The following ATRX variants were observed in gnomAD, a reference collection of about 807,000 sequenced individuals.
ATRX encodes ATRX chromatin remodeler.
A neutral mutation model predicts 172.6 loss-of-function variants in ATRX; 12 were observed. The ratio of observed to expected loss-of-function variants is 0.07; its 90% CI spans 0.04 to 0.11. ATRX has a LOEUF of 0.11. Among genes scored for constraint, ATRX ranks in the 10% least tolerant of loss-of-function variants. The pLI is 1.00. For missense variants in ATRX, 1,368 were observed against 1,767.4 expected, an observed-to-expected ratio of 0.77 and a Z score of 4.05; for synonymous variants, 674 against 594.7, an observed-to-expected ratio of 1.13 and a Z score of -1.94.
intron 12 of ATRX, among the ~76,000 whole-genome samples, chrX:77,657,323 T>C (rs920869455): frequency 8.9e-6 from 1 of 111,737 alleles, no homozygotes; most frequent in East Asian, 2.8e-4. Flanking sequence ...ATCCTCAATT[T>C]TCTTTTTCTC....
At chrX:77,626,018 G>A (rs2067815263) in intron 19 of ATRX, among the ~76,000 whole-genome samples, 2 of 71,106 alleles carry the variant, frequency 2.8e-5, no homozygotes, top group Non-Finnish European at 5.0e-5. Context: ...AGTGGATAAA[G>A]AAATTGTGGC....
At chrX:77,720,479 A>G (rs1213011766) in intron 1 of ATRX, among the ~76,000 whole-genome samples, 1 of 111,725 alleles carries the variant, frequency 9.0e-6, no homozygotes, top group Non-Finnish European at 1.9e-5. Context: ...TGCAATAAAA[A>G]ATGATAAAGG....
At chrX:77,777,404 A>G (rs1274365102) in intron 1 of ATRX, among the ~76,000 whole-genome samples, 2 of 108,220 alleles carry the variant, frequency 1.8e-5, no homozygotes, top group African/African-American at 6.7e-5. Flanking sequence ...AAAACAAAAC[A>G]AAGATCAAAA....
At chrX:77,714,267 C>T (rs1275485166) in intron 2 of ATRX, among the ~76,000 whole-genome samples, 1 of 111,169 alleles carries the variant, frequency 9.0e-6, no homozygotes, top group Non-Finnish European at 1.9e-5. Context: ...TCTACAGTCT[C>T]CAGAAAGGAA....
intron 17 of ATRX, among the ~76,000 whole-genome samples, chrX:77,634,232 T>TAAAAAAAAA (rs144290953): frequency 1.8e-5 from 1 of 54,071 alleles, no homozygotes; most frequent in African/African-American, 7.5e-5. Flanking sequence ...TTAAAAGTTG[T>TAAAAAAAAA]AAAAAAAAAA....
At chrX:77,720,402 G>C (rs1035746022) in intron 1 of ATRX, among the ~76,000 whole-genome samples, 2 of 111,088 alleles carry the variant, frequency 1.8e-5, no homozygotes, top group Admixed American at 1.9e-4. Flanking sequence ...GTGTTTTTTT[G>C]AGAAGATCAA....
chrX:77,708,381 C>T (rs2148717349), intron 2 of ATRX, among the ~76,000 whole-genome samples: 1 of 112,419 alleles, frequency 8.9e-6, no homozygotes, highest in East Asian at 2.8e-4. Context: ...GGGAAATAGG[C>T]CAGGCGCAGT....
rs2062721502 is a variant in ATRX, at chrX:77,506,911, T to TC, written c.*1439_*1440insG. ...AACCCAGTTTTCTTTTTTTTTTTTTTTTTTTTTTTTTTGGAATTCTTAAGC... is the reference window on the plus strand; with the variant it reads ...AACCCAGTTTTCTTTTTTTTTTTTTTCTTTTTTTTTTTTGGAATTCTTAAGC... On this transcript the variant is annotated 3_prime_UTR_variant, in exon 35 of 35. Transcript: ENST00000373344. 1.9e-5 allele frequency: 3 copies of TC among 156,402 alleles called. No individual in the cohort carries two copies. In the Admixed American group the frequency reaches 2.8e-4, roughly 14 times the overall value. 12.9% of individuals were successfully genotyped at this position (156,402 alleles called of 1,213,427 possible). A position where few individuals can be genotyped will look rare whatever the true frequency, so the allele number is the denominator to read the frequency against.
intron 22 of ATRX, among the ~76,000 whole-genome samples, chrX:77,602,718 A>G (rs2066727138): frequency 9.0e-6 from 1 of 110,818 alleles, no homozygotes; most frequent in Admixed American, 9.7e-5. Flanking sequence ...AAATTTTTAA[A>G]CTTTCCTTCA....
At chrX:77,673,523 A>G (rs1249777042) in intron 10 of ATRX, among the ~76,000 whole-genome samples, 1 of 111,416 alleles carries the variant, frequency 9.0e-6, no homozygotes, top group Non-Finnish European at 1.9e-5. Flanking sequence ...TGATCAATCT[A>G]TAATATTCTG....
intron 1 of ATRX, among the ~76,000 whole-genome samples, chrX:77,725,952 T>A (rs182692642): frequency 1.5e-4 from 17 of 111,895 alleles, no homozygotes; most frequent in Admixed American, 7.6e-4. Context: ...AGAATGGCGA[T>A]CATTAAAAAG....
At chrX:77,688,986 T>TAGTC in intron 6 of ATRX, 59 bp from the exon 7 acceptor site, 1 of 941,441 alleles carries the variant, frequency 1.1e-6, no homozygotes, top group South Asian at 1.9e-5. Context: ...ATACTTACTT[T>TAGTC]AGTCAGCATT....
chrX:77,605,462 A>G (rs1226493976), intron 22 of ATRX, among the ~76,000 whole-genome samples: 3 of 111,257 alleles, frequency 2.7e-5, no homozygotes, highest in Non-Finnish European at 3.8e-5. Context: ...AATTAAAAAT[A>G]GAATTAAGAA....
chrX:77,616,788 A>G, intron 21 of ATRX, 58 bp from the exon 22 acceptor site: 1 of 838,176 alleles, frequency 1.2e-6, no homozygotes, highest in East Asian at 3.1e-5. Context: ...GGAATGAACT[A>G]CAAGTTCTCA....
chrX:77,671,167 A>ATAT (rs1557129938), intron 10 of ATRX, among the ~76,000 whole-genome samples: 69 of 15,739 alleles, frequency 4.4e-3, no homozygotes, highest in African/African-American at 0.012. Context: ...AAAAAAAAAA[A>ATAT]ATATATATAT....
chrX:77,534,281 T>TC (rs1389650214), intron 30 of ATRX, among the ~76,000 whole-genome samples: 10 of 111,807 alleles, frequency 8.9e-5, no homozygotes, highest in Non-Finnish European at 1.5e-4. Context: ...TTCTAAATCT[T>TC]CCCCTTTTAA....
chrX:77,559,449 C>CTTTTTT (rs782028709), intron 28 of ATRX, among the ~76,000 whole-genome samples: 21 of 41,684 alleles, frequency 5.0e-4, no homozygotes, highest in South Asian at 3.7e-3. Context: ...CTTTCTTTCC[C>CTTTTTT]TTTTTTTTTT....
intron 30 of ATRX, among the ~76,000 whole-genome samples, chrX:77,525,568 G>C (rs1447417996): frequency 8.9e-6 from 1 of 112,467 alleles, no homozygotes; most frequent in African/African-American, 3.2e-5. Context: ...AGCAATAAAT[G>C]ATCTTAATCA....
intron 2 of ATRX, among the ~76,000 whole-genome samples, chrX:77,716,198 T>C (rs1367940165): frequency 1.3e-5 from 1 of 79,351 alleles, no homozygotes; most frequent in East Asian, 4.2e-4. Context: ...ACCGGGAGGG[T>C]GAGGTGAGAA....
Sources: allele counts gnomAD v4.1 joint callset (sites outside exome capture counted in the v4.1 genomes callset), GRCh38; gene constraint gnomAD v4.1.1; transcripts MANE v1.5; gene names NCBI Gene and HGNC (gene_info 2026-07-23, HGNC 2026-07-21).